The following NOS1AP variants were observed in gnomAD, a reference collection of about 807,000 sequenced individuals.
NOS1AP encodes nitric oxide synthase 1 adaptor protein.
A neutral mutation model predicts 56.2 loss-of-function variants in NOS1AP; 21 were observed. That is an observed-to-expected ratio of 0.37 (90% CI 0.26 to 0.54). NOS1AP has a LOEUF of 0.54. Ranked by LOEUF, NOS1AP falls within the 20% of genes least tolerant of loss-of-function variation. The probability of loss-of-function intolerance (pLI) is 0.84; values close to 1 mark genes in which losing one functional copy is unlikely to be tolerated. For missense variants in NOS1AP, 522 were observed against 657.8 expected, an observed-to-expected ratio of 0.79 and a Z score of 2.26; for synonymous variants, 270 against 274.6, an observed-to-expected ratio of 0.98 and a Z score of 0.17.
Position 162,332,382 on chromosome 1 carries a change from AG to A in NOS1AP, c.345-634del, listed in dbSNP as rs148388824. Among the ~76,000 whole-genome samples, 822 of 152,230 alleles carry A rather than the reference AG, an allele frequency of 5.4e-3. 4 individuals carry two copies. Among genetic ancestry groups the A allele is most frequent in the African/African-American group, 0.019 (787 of 41,538 alleles). ...TGCTTATTTGCATTGTCTACGTGTA[AG>A]CTCCATGAGTTCAGGGGCTTTTTCT... On this transcript the variant is annotated intron_variant, in intron 4 of 9. Coordinates refer to ENST00000361897, the MANE Select transcript of NOS1AP (RefSeq NM_014697.3).
At chr1:162,357,542 A>G (rs1657743644) in intron 8 of NOS1AP, among the ~76,000 whole-genome samples, 1 of 148,550 alleles carries the variant, frequency 6.7e-6, no homozygotes, top group Non-Finnish European at 1.5e-5. Context: ...AACAGCTTAA[A>G]GTATGAATTT....
At chr1:162,093,267 G>T (rs1422225872) in intron 1 of NOS1AP, among the ~76,000 whole-genome samples, 2 of 152,214 alleles carry the variant, frequency 1.3e-5, no homozygotes, top group South Asian at 4.1e-4. Flanking sequence ...CATGCAATCA[G>T]TATTTACTGA....
intron 2 of NOS1AP, among the ~76,000 whole-genome samples, chr1:162,201,854 C>G (rs1336247354): frequency 6.6e-6 from 1 of 152,132 alleles, no homozygotes. Context: ...GATATTAGAC[C>G]TGTGTCAGAT....
intron 2 of NOS1AP, among the ~76,000 whole-genome samples, chr1:162,225,595 G>A (rs1159632654): frequency 1.3e-5 from 2 of 152,226 alleles, no homozygotes; most frequent in Non-Finnish European, 1.5e-5. Flanking sequence ...AGTGCCTGCA[G>A]GTGCCTCATA....
Position 162,246,705 on chromosome 1 carries a change from G to A in NOS1AP, c.178-40639G>A, listed in dbSNP as rs1455180723. On this transcript the variant is annotated intron_variant, in intron 2 of 9. Transcript: ENST00000361897. ...GGAAAGTCATTTACTGGGTCTCTTG[G>A]CCTCAGTTTTTTAAACTCTAAAATG... Among the ~76,000 whole-genome samples the A allele has an allele frequency of 2.0e-5, 3 of 152,018 alleles. No homozygotes were observed. In the South Asian group the frequency reaches 6.2e-4, roughly 32 times the overall value.
intron 2 of NOS1AP, among the ~76,000 whole-genome samples, chr1:162,178,916 T>C (rs1407974898): frequency 2.6e-5 from 4 of 152,212 alleles, no homozygotes; most frequent in Non-Finnish European, 5.9e-5. Context: ...GTCCGTCTTA[T>C]ACCTATCACT....
intron 6 of NOS1AP, among the ~76,000 whole-genome samples, chr1:162,349,639 C>G (rs1164366679): frequency 6.6e-6 from 1 of 152,206 alleles, no homozygotes; most frequent in Non-Finnish European, 1.5e-5. Context: ...ATAATATGCT[C>G]TCCGTAAGTA....
chr1:162,073,552 C>T (rs1445653332), intron 1 of NOS1AP, among the ~76,000 whole-genome samples: 1 of 152,156 alleles, frequency 6.6e-6, no homozygotes, highest in Non-Finnish European at 1.5e-5. Flanking sequence ...CCTCCAACTC[C>T]CAGGTTCGAG....
At chr1:162,134,396 A>G (rs1648889217) in intron 1 of NOS1AP, among the ~76,000 whole-genome samples, 1 of 151,866 alleles carries the variant, frequency 6.6e-6, no homozygotes, top group Non-Finnish European at 1.5e-5. Context: ...CTGAGGCATG[A>G]AAATCGCTTG....
At chr1:162,357,936 G>A (rs958399769) in intron 8 of NOS1AP, among the ~76,000 whole-genome samples, 3 of 152,166 alleles carry the variant, frequency 2.0e-5, no homozygotes, top group African/African-American at 7.2e-5. Flanking sequence ...AGGGAATGGT[G>A]AAGACATTCA....
At chr1:162,225,329 C>T (rs560502962) in intron 2 of NOS1AP, among the ~76,000 whole-genome samples, 4 of 152,232 alleles carry the variant, frequency 2.6e-5, no homozygotes, top group Non-Finnish European at 5.9e-5. Context: ...TCCCTCACTC[C>T]CTTCAGTGTT....
At chr1:162,214,627 A>G (rs1219377727) in intron 2 of NOS1AP, among the ~76,000 whole-genome samples, 1 of 152,158 alleles carries the variant, frequency 6.6e-6, no homozygotes, top group African/African-American at 2.4e-5. Flanking sequence ...CAAGCTGCAT[A>G]TCTTTTTAAT....
intron 4 of NOS1AP, among the ~76,000 whole-genome samples, chr1:162,308,305 G>A (rs1056226102): frequency 5.3e-5 from 8 of 152,224 alleles, no homozygotes; most frequent in African/African-American, 1.9e-4. Flanking sequence ...TCTGCAGCTG[G>A]TGAGTGGGCA....
intron 2 of NOS1AP, among the ~76,000 whole-genome samples, chr1:162,166,379 C>T (rs527383365): frequency 6.6e-6 from 1 of 152,374 alleles, no homozygotes; most frequent in South Asian, 2.1e-4. Context: ...TATAGGTCCG[C>T]TGTGCCTTGT....
intron 1 of NOS1AP, among the ~76,000 whole-genome samples, chr1:162,148,103 G>A (rs1649557827): frequency 6.6e-6 from 1 of 152,192 alleles, no homozygotes; most frequent in Admixed American, 6.5e-5. Flanking sequence ...AGTCAAGTAA[G>A]TTTTGCTGTG....
intron 6 of NOS1AP, among the ~76,000 whole-genome samples, chr1:162,350,027 G>C (rs1167467388): frequency 6.6e-6 from 1 of 152,190 alleles, no homozygotes; most frequent in African/African-American, 2.4e-5. Flanking sequence ...TACTGTAAAT[G>C]CTTCTCCCAG....
At chr1:162,337,945 G>A (rs1244179269) in intron 5 of NOS1AP, among the ~76,000 whole-genome samples, 1 of 152,124 alleles carries the variant, frequency 6.6e-6, no homozygotes, top group African/African-American at 2.4e-5. Context: ...AAATATAAAT[G>A]TATTTTCATG....
At chr1:162,234,104 T>C (rs1295253541) in intron 2 of NOS1AP, among the ~76,000 whole-genome samples, 2 of 152,094 alleles carry the variant, frequency 1.3e-5, no homozygotes, top group East Asian at 3.9e-4. Flanking sequence ...ACAGGCAGAA[T>C]GTGATTGGGC....
intron 2 of NOS1AP, among the ~76,000 whole-genome samples, chr1:162,189,902 G>T (rs887020709): frequency 3.9e-5 from 6 of 152,118 alleles, no homozygotes; most frequent in Non-Finnish European, 8.8e-5. Context: ...GGATCAGCAG[G>T]TACAAGATTG....
Sources: gnomAD v4.1 joint callset for allele counts (sites outside exome capture counted in the v4.1 genomes callset) on GRCh38, gnomAD v4.1.1 for gene constraint, MANE v1.5 for transcripts, NCBI Gene and HGNC (gene_info 2026-07-23, HGNC 2026-07-21) for gene names.